TSC22D4: variants seen among roughly 807,000 people sequenced by gnomAD.
The protein encoded by TSC22D4 is TSC22 domain family protein 4.
TSC22D4 carries 5 observed loss-of-function variants against 24.9 expected under a neutral mutation model. That is an observed-to-expected ratio of 0.20 (90% confidence interval 0.10 to 0.42). The LOEUF (loss-of-function observed/expected upper bound fraction) is 0.42. TSC22D4 is among the 10% of genes least tolerant of loss of function. TSC22D4 has a pLI of 1.00. For missense variants in TSC22D4, 469 were observed against 547.9 expected, an observed-to-expected ratio of 0.86 and a Z score of 1.44; for synonymous variants, 245 against 243.2, an observed-to-expected ratio of 1.01 and a Z score of -0.07.
At chr7:100,468,181 G>A (rs1318081351) in intron 3 of TSC22D4, 5 of 312,610 alleles carry the variant, frequency 1.6e-5, no homozygotes, top group African/African-American at 4.5e-5. Context: ...TCAGCTCCTC[G>A]GTGGGCGGGA....
chr7:100,472,584 C>T (rs1029594028), intron 3 of TSC22D4, among the ~76,000 whole-genome samples: 3 of 152,078 alleles, frequency 2.0e-5, no homozygotes, highest in South Asian at 2.1e-4. Context: ...AGGGAGAGGG[C>T]GGGAAACGCT....
intron 2 of TSC22D4, among the ~76,000 whole-genome samples, chr7:100,475,527 A>G (rs1250072475): frequency 6.6e-6 from 1 of 152,158 alleles, no homozygotes; most frequent in Non-Finnish European, 1.5e-5. Context: ...CCCCTGCTAG[A>G]AGGTCAGTTT....
chr7:100,471,505 C>T (rs1033038543), intron 3 of TSC22D4, among the ~76,000 whole-genome samples: 2 of 152,084 alleles, frequency 1.3e-5, no homozygotes, highest in African/African-American at 4.8e-5. Flanking sequence ...TTTGGGAGGT[C>T]GAGGTGGGTG....
At chr7:100,471,116 G>A (rs1799382830) in intron 3 of TSC22D4, among the ~76,000 whole-genome samples, 1 of 151,522 alleles carries the variant, frequency 6.6e-6, no homozygotes, top group South Asian at 2.1e-4. Flanking sequence ...TCTCCAGTGG[G>A]TTCAGGGGAT....
At chr7:100,472,651 C>CGAGGTGT (rs1563181421) in intron 3 of TSC22D4, among the ~76,000 whole-genome samples, 5 of 152,102 alleles carry the variant, frequency 3.3e-5, no homozygotes, top group African/African-American at 1.2e-4. Flanking sequence ...CCTCACACCT[C>CGAGGTGT]GCACATTCCT....
Position 100,477,477 on chromosome 7 carries a change from C to A in TSC22D4, c.562G>T (p.Ala188Ser). The A allele has an allele frequency of 6.4e-7, 1 of 1,551,782 alleles. No individual in the cohort carries two copies. Among genetic ancestry groups the A allele is most frequent in the South Asian group, 1.2e-5 (1 of 81,978 alleles). ...GGGGGGCGCTGCTGGGGTGAGGAGG[C>A]CGACAGTGGGGGTTTCTCTGCCTTG... ...KAKAEKPPLS[A>S]SSPQQRPPEP... The change falls in exon 2 of 5, where the codon GCC (alanine) becomes TCC (serine). Residue 188 changes from alanine (A) to serine (S), a missense_variant. Physicochemically the swap from Ala to Ser is moderately conservative, Grantham distance 99. Transcript: ENST00000300181. This position sits in a 1 kb window ranked among gnomAD's most constrained non-coding sequence, Gnocchi z 7.8.
intron 4 of TSC22D4, 161 bp from the exon 5 acceptor site, chr7:100,467,329 G>C: frequency 1.1e-6 from 1 of 891,904 alleles, no homozygotes; most frequent in South Asian, 1.5e-5. Context: ...GGCAGAGTCA[G>C]GGCTCAAAGA....
chr7:100,477,188 A>T lies in TSC22D4; in HGVS notation c.762+89T>A. 9.4e-7 allele frequency: 1 copy of T among 1,061,740 alleles called. No homozygotes were observed. Among genetic ancestry groups the T allele is most frequent in the Admixed American group, 2.9e-5 (1 of 33,984 alleles). The allele number at this position is 1,061,740 out of a possible 1,614,324, so 65.8% of individuals were successfully genotyped here. Reference sequence around the variant, plus strand: ...TGATCTTATAAAGTGATGGAGAAGGAGGAGGAGAGGGGGGGGAGGAGGAGG... The same window carrying T: ...TGATCTTATAAAGTGATGGAGAAGGTGGAGGAGAGGGGGGGGAGGAGGAGG... On this transcript the variant is annotated intron_variant, in intron 2 of 4. Transcript: ENST00000300181. The surrounding 1 kb of genome is among the most constrained non-coding windows in gnomAD (Gnocchi z 7.8).
At chr7:100,471,759 C>G (rs1035322442) in intron 3 of TSC22D4, among the ~76,000 whole-genome samples, 4 of 151,376 alleles carry the variant, frequency 2.6e-5, no homozygotes, top group Non-Finnish European at 4.4e-5. Context: ...AAAACAAAAA[C>G]AAAACAAAAA....
chr7:100,467,131 TC>T lies in TSC22D4; in HGVS notation c.1015del (p.Glu339ArgfsTer6). On this transcript the variant is annotated frameshift_variant, in exon 5 of 5. Transcript: ENST00000300181. LOFTEE classifies it high-confidence loss of function. ...CTGCTCCTTCAGCACCTCCACCTCC[TC>T]CCGGACCGCAAACATGAGGTGGGAC... Reference protein sequence around the residue: ...VKSHLMFAVREEVEVLKEQIR... With the variant: ...VKSHLMFAVRXEVEVLKEQIR... 6.2e-7 allele frequency: 1 copy of T among 1,614,104 alleles called. No individual in the cohort carries two copies. Among genetic ancestry groups the T allele is most frequent in the Non-Finnish European group, 8.5e-7 (1 of 1,180,008 alleles).
chr7:100,477,311 C>T lies in TSC22D4; in HGVS notation c.728G>A (p.Arg243Gln), dbSNP rs758429902. Residue 243 changes from arginine (R) to glutamine (Q), a missense_variant, in exon 2 of 5, where the codon CGG becomes CAG. Transcript: ENST00000300181. This position sits in a 1 kb window ranked among gnomAD's most constrained non-coding sequence, Gnocchi z 7.8. ...SRRKAVDMRL[R>Q]MELGAPEEMG... ...CTCTTCTGGAGCACCCAACTCCATC[C>T]GCAGCCGCATGTCTACAGCTTTCCT... 134 of 1,523,504 alleles carry T rather than the reference C, an allele frequency of 8.8e-5. No homozygotes were observed. The highest frequency in any genetic ancestry group is 1.8e-4 in the Middle Eastern group (1 of 5,646). The allele number at this position is 1,523,504 out of a possible 1,614,324, so 94.4% of individuals were successfully genotyped here.
chr7:100,476,261 C>T (rs1309719244), intron 2 of TSC22D4, among the ~76,000 whole-genome samples: 6 of 140,378 alleles, frequency 4.3e-5, no homozygotes, highest in Non-Finnish European at 6.1e-5. Flanking sequence ...GGGGGCATCA[C>T]GAGAGATGTG....
intron 3 of TSC22D4, among the ~76,000 whole-genome samples, chr7:100,469,653 T>C (rs1799357749): frequency 6.6e-6 from 1 of 151,968 alleles, no homozygotes; most frequent in South Asian, 2.1e-4. Context: ...TCTGGCGCTG[T>C]GGCGGGATCC....
In TSC22D4 at chr7:100,474,075, C is replaced by T. The variant is rs991802242; in HGVS notation, c.929+199G>A. 6 of 630,704 alleles carry T rather than the reference C, an allele frequency of 9.5e-6. No homozygotes were observed. The African/African-American group carries it at 1.1e-4, about 12-fold the overall frequency. 39.1% of individuals were successfully genotyped at this position (630,704 alleles called of 1,614,324 possible). The stretch of plus-strand genomic sequence containing the variant: ...GACAGTTCTGAGCCAGGGAGTCCCA[C>T]CCAGCCCTCTCCACAGAGAGGGAGT... On this transcript the variant is annotated intron_variant, in intron 3 of 4. Coordinates refer to ENST00000300181, the MANE Select transcript of TSC22D4 (RefSeq NM_030935.5). The surrounding 1 kb of genome is among the most constrained non-coding windows in gnomAD (Gnocchi z 4.3).
intron 3 of TSC22D4, among the ~76,000 whole-genome samples, chr7:100,473,250 T>C (rs1799427172): frequency 6.6e-6 from 1 of 152,128 alleles, no homozygotes; most frequent in Admixed American, 6.6e-5. Flanking sequence ...CTAGCTCTGA[T>C]TCTGTTCCTA....
chr7:100,468,873 G>T (rs1799339874), intron 3 of TSC22D4, among the ~76,000 whole-genome samples: 1 of 151,994 alleles, frequency 6.6e-6, no homozygotes, highest in Non-Finnish European at 1.5e-5. Flanking sequence ...GGAGGTGGAG[G>T]TTGCAGTGAG....
chr7:100,472,617 G>A (rs112356273), intron 3 of TSC22D4, among the ~76,000 whole-genome samples: 4,437 of 152,138 alleles, frequency 0.029, 227 homozygotes, highest in African/African-American at 0.099. Context: ...GATGGCGGCA[G>A]GTGACTCTCC....
rs1799281573 is a variant in TSC22D4, at chr7:100,466,653, G to A, written c.*306C>T. On this transcript the variant is annotated 3_prime_UTR_variant, in exon 5 of 5. Coordinates refer to ENST00000300181, the MANE Select transcript of TSC22D4 (RefSeq NM_030935.5). ...CACCTCAAGGGAACAAGATGGGGGT[G>A]GGGTGTCTGCCGGGGAGCCTCCGAC... The A allele has an allele frequency of 2.4e-6, 1 of 415,826 alleles. No homozygotes were observed. The highest frequency in any genetic ancestry group is 4.1e-5 in the Admixed American group (1 of 24,218). The allele number at this position is 415,826 out of a possible 1,614,324, so 25.8% of individuals were successfully genotyped here. A position where few individuals can be genotyped will look rare whatever the true frequency, so the allele number is the denominator to read the frequency against.
In TSC22D4 at chr7:100,466,863, G is replaced by T; in HGVS notation, c.*96C>A. ...TTACTGAGCCTTGAACTCCCACCCC[G>T]GGGACACGGGGACATTAAAGCTGCA... On this transcript the variant is annotated 3_prime_UTR_variant, in exon 5 of 5. Coordinates refer to ENST00000300181, the MANE Select transcript of TSC22D4 (RefSeq NM_030935.5). The T allele has an allele frequency of 8.0e-7, 1 of 1,247,136 alleles. No individual in the cohort carries two copies. The highest frequency in any genetic ancestry group is 1.1e-6 in the Non-Finnish European group (1 of 912,600). The allele number at this position is 1,247,136 out of a possible 1,614,324, so 77.3% of individuals were successfully genotyped here.
Sources: allele counts gnomAD v4.1 joint callset (sites outside exome capture counted in the v4.1 genomes callset), GRCh38; gene constraint gnomAD v4.1.1; non-coding constraint Gnocchi (gnomAD v3.1); transcripts MANE v1.5; gene names NCBI Gene and HGNC (gene_info 2026-07-23, HGNC 2026-07-21).